DNMT3A: variants seen among roughly 807,000 people sequenced by gnomAD.
DNMT3A encodes DNA methyltransferase 3 alpha, also known as DNA (cytosine-5)-methyltransferase 3A.
A neutral mutation model predicts 117.6 loss-of-function variants in DNMT3A; 267 were observed. The ratio of observed to expected loss-of-function variants is 2.27; its 90% CI spans 2.05 to 2.51. The LOEUF is 2.51. Ranked by LOEUF, DNMT3A falls within the 30% of genes most tolerant of loss-of-function variation. DNMT3A has a pLI of 0.00. For synonymous variants in DNMT3A, 432 were observed against 474.8 expected, an observed-to-expected ratio of 0.91 and a Z score of 1.17; for missense variants, 1,029 against 1,260.2, an observed-to-expected ratio of 0.82 and a Z score of 2.78.
In DNMT3A at chr2:25,304,536, C is replaced by T. The variant is rs942193539; in HGVS notation, c.73-4293G>A. Among the ~76,000 whole-genome samples, 1 of 152,208 alleles carries T rather than the reference C, an allele frequency of 6.6e-6. No individual in the cohort carries two copies. Among genetic ancestry groups the T allele is most frequent in the Non-Finnish European group, 1.5e-5 (1 of 68,038 alleles). ...CACACAGAGCCCAACATCTGGCGGG[C>T]GCTCTTGCCGCAAGATATGTGGCAA... is the stretch of plus-strand genomic sequence containing the variant. On this transcript the variant is annotated intron_variant, in intron 2 of 22. Coordinates refer to ENST00000321117, the MANE Select transcript of DNMT3A (RefSeq NM_022552.5). This position sits in a 1 kb window ranked among gnomAD's most constrained non-coding sequence, Gnocchi z 4.3.
rs564388216 is a variant in DNMT3A, at chr2:25,294,296, G to A, written c.177+5843C>T. Among the ~76,000 whole-genome samples the A allele has an allele frequency of 1.5e-4, 23 of 152,294 alleles. No individual in the cohort carries two copies. Among genetic ancestry groups the A allele is most frequent in the East Asian group, 3.9e-4 (2 of 5,176 alleles). The stretch of plus-strand genomic sequence containing the variant: ...TCCAGTAGCGGGCGTTGATTTCACC[G>A]CTCAGGTCGGGGAGTGGGTGGGTGG... On this transcript the variant is annotated intron_variant, in intron 3 of 22. Coordinates refer to ENST00000321117, the MANE Select transcript of DNMT3A (RefSeq NM_022552.5). The surrounding 1 kb of genome is among the most constrained non-coding windows in gnomAD (Gnocchi z 4.7).
intron 1 of DNMT3A, among the ~76,000 whole-genome samples, chr2:25,335,047 GAA>G (rs2035157185): frequency 1.3e-5 from 2 of 152,282 alleles, no homozygotes; most frequent in Admixed American, 6.5e-5. Flanking sequence ...TATCTTTCCA[GAA>G]CAACTTTTCC....
At chr2:25,287,073 C>G (rs2032364481) in intron 3 of DNMT3A, among the ~76,000 whole-genome samples, 1 of 152,230 alleles carries the variant, frequency 6.6e-6, no homozygotes, top group Non-Finnish European at 1.5e-5. Flanking sequence ...CTCCTGCACT[C>G]AAGCTAGAGG....
At position 25,293,255 on chromosome 2, in the gene DNMT3A, C is replaced by T. The variant is rs1225291639; in HGVS notation, c.177+6884G>A. 6.6e-6 allele frequency among the ~76,000 whole-genome samples: 1 copy of T among 152,212 alleles called. No individual in the cohort carries two copies. Among genetic ancestry groups the T allele is most frequent in the Non-Finnish European group, 1.5e-5 (1 of 68,038 alleles). The stretch of plus-strand genomic sequence containing the variant: ...CAATTCTGCCCCGCCACTGCCACCC[C>T]CCACAGGCCCTGGGACTTTGCTGGC... On this transcript the variant is annotated intron_variant, in intron 3 of 22. Transcript: ENST00000321117. The surrounding 1 kb of genome is among the most constrained non-coding windows in gnomAD (Gnocchi z 4.7).
At position 25,235,734 on chromosome 2, in the gene DNMT3A, TC is replaced by T. The variant is rs1254668110; in HGVS notation, c.2569del (p.Asp857ThrfsTer24). The T allele has an allele frequency of 1.9e-6, 3 of 1,613,972 alleles. No homozygotes were observed. Among genetic ancestry groups the T allele is most frequent in the Non-Finnish European group, 2.5e-6 (3 of 1,180,004 alleles). ...TTCCATTTCAGTGCACCATAAGATGTCCTCTTTCTCATTCATGAAGACAGGA... is the reference window on the plus strand; with the variant it reads ...TTCCATTTCAGTGCACCATAAGATGTCTCTTTCTCATTCATGAAGACAGGA... ...HFPVFMNEKE[D>X]ILWCTEMERV... On this transcript the variant is annotated frameshift_variant, in exon 22 of 23. Transcript: ENST00000321117. LOFTEE classifies it high-confidence loss of function.
chr2:25,239,941 C>T (rs1673782683), intron 19 of DNMT3A, among the ~76,000 whole-genome samples: 1 of 152,210 alleles, frequency 6.6e-6, no homozygotes, highest in African/African-American at 2.4e-5. Flanking sequence ...AGGATAGGCC[C>T]TTCTTGCTCA....
intron 5 of DNMT3A, 131 bp from the exon 6 acceptor site, chr2:25,275,218 G>T: frequency 7.6e-7 from 1 of 1,319,846 alleles, no homozygotes; most frequent in Non-Finnish European, 1.0e-6. Flanking sequence ...TGCTGGGCAG[G>T]CCCCGTGTGG....
chr2:25,234,381 GTT>G lies in DNMT3A; in HGVS notation c.2635_2636del (p.Asn879HisfsTer41). ...GTCTCTGCCTCGCCAAGCGGCTCAT[GTT>G]GGAGACGTCAGTATAGTGGACTGGG... ...GFPVHYTDVS[N>X]MSRLARQRLL... is the part of the protein sequence containing the mutation. On this transcript the variant is annotated frameshift_variant, in exon 23 of 23. Transcript: ENST00000321117. LOFTEE classifies it high-confidence loss of function. The surrounding 1 kb of genome is among the most constrained non-coding windows in gnomAD (Gnocchi z 4.5). 6.2e-7 allele frequency: 1 copy of G among 1,614,160 alleles called. No homozygotes were observed.
Position 25,247,114 on chromosome 2 carries a change from CG to C in DNMT3A, c.1058del (p.Ala353GlyfsTer54). 6.2e-7 allele frequency: 1 copy of C among 1,614,100 alleles called. No homozygotes were observed. The highest frequency in any genetic ancestry group is 1.1e-5 in the South Asian group (1 of 91,080). On this transcript the variant is annotated frameshift_variant, in exon 9 of 23. Transcript: ENST00000321117. LOFTEE classifies it high-confidence loss of function. The surrounding 1 kb of genome is among the most constrained non-coding windows in gnomAD (Gnocchi z 5.6). ...GCTTGTTGTACGTGGCCTGGTGGAA[CG>C]CACTGCAAAACGAGCTCAGCGGCAT... ...KLMPLSSFCSAFHQATYNKQP... is the reference protein window; with the variant it reads ...KLMPLSSFCSXFHQATYNKQP...
intron 4 of DNMT3A, among the ~76,000 whole-genome samples, chr2:25,278,042 C>CACACACACACACAAAACAG (rs150400657): frequency 1.4e-5 from 2 of 146,294 alleles, no homozygotes; most frequent in Non-Finnish European, 3.0e-5. Context: ...CACACACAGA[C>CACACACACACACAAAACAG]ACACACGCTT....
chr2:25,278,608 T>G (rs1014971234), intron 4 of DNMT3A, among the ~76,000 whole-genome samples: 2 of 152,200 alleles, frequency 1.3e-5, no homozygotes, highest in African/African-American at 4.8e-5. Context: ...GGCAGATCAC[T>G]TGAGATCAGG....
chr2:25,286,186 G>A lies in DNMT3A; in HGVS notation c.178-3475C>T, dbSNP rs1003443042. On this transcript the variant is annotated intron_variant, in intron 3 of 22. Transcript: ENST00000321117. This position sits in a 1 kb window ranked among gnomAD's most constrained non-coding sequence, Gnocchi z 4.3. ...TCACTTCCTGTTGACTGCTGGCTCC[G>A]TAGCATAGAGACCTATGAGGGCCGG... Among the ~76,000 whole-genome samples, 2 of 152,138 alleles carry A rather than the reference G, an allele frequency of 1.3e-5. No individual in the cohort carries two copies. The highest frequency in any genetic ancestry group is 2.4e-5 in the African/African-American group (1 of 41,428).
intron 3 of DNMT3A, among the ~76,000 whole-genome samples, chr2:25,284,681 T>TAAA (rs2032162792): frequency 2.0e-5 from 1 of 50,422 alleles, no homozygotes; most frequent in African/African-American, 8.0e-5. Flanking sequence ...AAAAAGACTA[T>TAAA]ACAAAAAAAA....
intron 3 of DNMT3A, among the ~76,000 whole-genome samples, chr2:25,290,656 A>ATACTATATGATTTTAGT (rs2032687688): frequency 2.0e-5 from 3 of 152,138 alleles, no homozygotes; most frequent in Admixed American, 6.5e-5. Flanking sequence ...TACTATAGTT[A>ATACTATATGATTTTAGT]TTTACACAGA....
chr2:25,314,776 C>CTCCTGCCTCAG, intron 1 of DNMT3A: 1 of 909,604 alleles, frequency 1.1e-6, no homozygotes, highest in Non-Finnish European at 1.3e-6. Flanking sequence ...CACGGCCACA[C>CTCCTGCCTCAG]TGAGGCAGGA....
intron 6 of DNMT3A, among the ~76,000 whole-genome samples, chr2:25,267,877 C>A (rs528328236): frequency 6.6e-6 from 1 of 152,176 alleles, no homozygotes; most frequent in Non-Finnish European, 1.5e-5. Context: ...AACAAGCTGG[C>A]GAGTGCTGCT....
intron 4 of DNMT3A, 129 bp from the exon 5 acceptor site, chr2:25,275,672 C>A: frequency 9.8e-7 from 1 of 1,017,960 alleles, no homozygotes; most frequent in South Asian, 1.8e-5. Flanking sequence ...TTTAGCTGTT[C>A]ATGTGTTAAA....
intron 9 of DNMT3A, 77 bp downstream of exon 9, chr2:25,246,974 A>C: frequency 6.5e-7 from 1 of 1,545,314 alleles, no homozygotes; most frequent in Non-Finnish European, 8.8e-7. Context: ...GTTCTGCTCA[A>C]GCCCGACCTG....
rs60929874 is a variant in DNMT3A at position 25,288,170 on chromosome 2, T to C, written c.178-5459A>G. Among the ~76,000 whole-genome samples, 26 of 145,214 alleles carry C rather than the reference T, an allele frequency of 1.8e-4. No homozygotes were observed. The East Asian group carries it at 3.2e-3, about 18-fold the overall frequency. ...CTTTTTTTGGCCAGGCATGGTGGCT[T>C]ACGCCTGTAATCCCAGCACTTTGGG... On this transcript the variant is annotated intron_variant, in intron 3 of 22. Transcript: ENST00000321117.
Sources: allele counts gnomAD v4.1 joint callset (sites outside exome capture counted in the v4.1 genomes callset), GRCh38; gene constraint gnomAD v4.1.1; non-coding constraint Gnocchi (gnomAD v3.1); transcripts MANE v1.5; gene names NCBI Gene and HGNC (gene_info 2026-07-23, HGNC 2026-07-21).